Variants in PLEKHA8 observed in about 807,000 individuals in gnomAD.
The protein encoded by PLEKHA8 is pleckstrin homology domain-containing family A member 8.
Under a neutral mutation model 68.2 loss-of-function variants are expected in PLEKHA8, and 36 were observed. The observed-to-expected ratio is 0.53, with a 90% CI of 0.40 to 0.70. The LOEUF (loss-of-function observed/expected upper bound fraction) is 0.70. PLEKHA8 is among the 30% of genes least tolerant of loss of function. The pLI is 0.00. For synonymous variants in PLEKHA8, 211 were observed against 216.1 expected (o/e 0.98, Z 0.20); for missense variants, 505 against 615.4 (o/e 0.82, Z 1.90).
rs1272508959 is a variant in PLEKHA8 at position 30,074,136 on chromosome 7, A to T, written c.1362+4A>T. On this transcript the variant is annotated splice_donor_region_variant and intron_variant, in intron 13 of 13. Transcript: ENST00000449726. Reference sequence around the variant, plus strand: ...GGTAGTTCGAGGGGTTTTTGCGGTAAGTGATCCTTCTTGTCTCCTATTATT... The same window carrying T: ...GGTAGTTCGAGGGGTTTTTGCGGTATGTGATCCTTCTTGTCTCCTATTATT... 1.9e-6 allele frequency: 3 copies of T among 1,611,982 alleles called. No individual in the cohort carries two copies. The African/African-American group carries it at 4.0e-5, about 22-fold the overall frequency.
intron 13 of PLEKHA8, among the ~76,000 whole-genome samples, chr7:30,126,718 GA>G (rs1796776948): frequency 6.6e-6 from 1 of 152,216 alleles, no homozygotes; most frequent in Admixed American, 6.5e-5. Flanking sequence ...AATCATGGTG[GA>G]AGGTGAAAGG....
At chr7:30,037,972 T>A (rs1791231402) in intron 1 of PLEKHA8, among the ~76,000 whole-genome samples, 1 of 152,152 alleles carries the variant, frequency 6.6e-6, no homozygotes, top group Non-Finnish European at 1.5e-5. Context: ...TTTTAAAAAT[T>A]CACAATATGT....
At chr7:30,049,940 G>A (rs955670762) in intron 5 of PLEKHA8, among the ~76,000 whole-genome samples, 1 of 152,112 alleles carries the variant, frequency 6.6e-6, no homozygotes, top group Admixed American at 6.5e-5. Flanking sequence ...CATCCTCAAA[G>A]ACTTAGTCTC....
At chr7:30,127,005 A>G (rs1391249986) in intron 13 of PLEKHA8, among the ~76,000 whole-genome samples, 1 of 152,222 alleles carries the variant, frequency 6.6e-6, no homozygotes, top group South Asian at 2.1e-4. Flanking sequence ...CACTGATCCT[A>G]CAGAATCCAG....
At chr7:30,051,105 G>T (rs146630130) in intron 6 of PLEKHA8, among the ~76,000 whole-genome samples, 1 of 152,086 alleles carries the variant, frequency 6.6e-6, no homozygotes, top group Non-Finnish European at 1.5e-5. Context: ...TCACCATGTT[G>T]CCCAGGCTGG....
rs142768423 is a variant in PLEKHA8 at position 30,030,607 on chromosome 7, T to C, written c.40+1805T>C. ...AGCCATTGCCAGAGACAGCTGTCTCTACGTGATGCTGCTTGTTCCCTTAGC... is the reference window on the plus strand; with the variant it reads ...AGCCATTGCCAGAGACAGCTGTCTCCACGTGATGCTGCTTGTTCCCTTAGC... On this transcript the variant is annotated intron_variant, in intron 1 of 13. Coordinates refer to ENST00000449726, the MANE Select transcript of PLEKHA8 (RefSeq NM_001197026.2). Among the ~76,000 whole-genome samples the C allele has an allele frequency of 5.5e-4, 84 of 152,372 alleles. No individual in the cohort carries two copies. In the East Asian group the frequency reaches 0.015, roughly 27 times the overall value.
At position 30,060,895 on chromosome 7, in the gene PLEKHA8, C is replaced by T. The variant is rs375382627; in HGVS notation, c.1051C>T (p.Pro351Ser). ...ATCTTTTCTTCTAGACAAACTTGGC[C>T]CTACAGTGTTTGCTCCTGTTAAGAT... ...AVVPVLDKLG[P>S]TVFAPVKMDL... Residue 351 changes from proline (P) to serine (S), a missense_variant, in exon 10 of 14, where the codon CCT (proline) becomes TCT (serine). Coordinates refer to ENST00000449726, the MANE Select transcript of PLEKHA8 (RefSeq NM_001197026.2). The T allele has an allele frequency of 1.2e-6, 2 of 1,612,470 alleles. No individual in the cohort carries two copies.
At chr7:30,112,820 G>T (rs1456212124) in intron 13 of PLEKHA8, among the ~76,000 whole-genome samples, 1 of 151,636 alleles carries the variant, frequency 6.6e-6, no homozygotes, top group African/African-American at 2.4e-5. Context: ...AGGATCACTT[G>T]AGCCCAGGAG....
In PLEKHA8 at chr7:30,084,341, G is replaced by T. The variant is rs1795088917; in HGVS notation, c.*5554G>T. ...TGCAGTGTTAATGTTACCTGTTCTTGTCTCTCAGCATTTTGAATGAGCATC... is the reference window on the plus strand; with the variant it reads ...TGCAGTGTTAATGTTACCTGTTCTTTTCTCTCAGCATTTTGAATGAGCATC... On this transcript the variant is annotated 3_prime_UTR_variant, in exon 14 of 14. Transcript: ENST00000449726. The T allele has an allele frequency of 2.0e-6, 2 of 985,208 alleles. No individual in the cohort carries two copies. The highest frequency in any genetic ancestry group is 1.7e-5 in the African/African-American group (1 of 57,206). 61.0% of individuals were successfully genotyped at this position (985,208 alleles called of 1,614,324 possible).
chr7:30,128,627 C>T (rs1218069200), intron 13 of PLEKHA8, among the ~76,000 whole-genome samples: 2 of 151,812 alleles, frequency 1.3e-5, no homozygotes. Flanking sequence ...TTTTCTAATA[C>T]TTAGTGGTTA....
intron 12 of PLEKHA8, among the ~76,000 whole-genome samples, chr7:30,063,203 T>C (rs747603818): frequency 6.6e-6 from 1 of 152,166 alleles, no homozygotes; most frequent in Non-Finnish European, 1.5e-5. Flanking sequence ...TATAATGCTG[T>C]GTGCGTCCCA....
chr7:30,050,802 G>T (rs17326222), intron 6 of PLEKHA8: 26,594 of 174,344 alleles, frequency 0.15, 2,073 homozygotes, highest in Middle Eastern at 0.18. Flanking sequence ...TTGTTTTAAG[G>T]GTGCTTTTAT....
In PLEKHA8 at chr7:30,111,998, C is replaced by T. The variant is rs185109996; in HGVS notation, c.1363-17268C>T. Among the ~76,000 whole-genome samples, 13 of 152,036 alleles carry T rather than the reference C, an allele frequency of 8.6e-5. No individual in the cohort carries two copies. The East Asian group carries it at 2.3e-3, about 27-fold the overall frequency. On this transcript the variant is annotated intron_variant, in intron 13 of 13. Coordinates refer to the PLEKHA8 transcript ENST00000396257. ...AAACAATGGAATGGCAAAATAATTA[C>T]CAGGCAAATATTAATTTTTAAAATT...
chr7:30,052,951 A>T (rs1222145127), intron 7 of PLEKHA8, 85 bp downstream of exon 7: 3 of 1,158,360 alleles, frequency 2.6e-6, no homozygotes, highest in Non-Finnish European at 3.6e-6. Context: ...GATAGGGATT[A>T]ACCTCAAGAC....
rs548903683 is a variant in PLEKHA8 at position 30,101,102 on chromosome 7, A to G, written c.1362+26970A>G. On this transcript the variant is annotated intron_variant, in intron 13 of 13. Coordinates refer to the PLEKHA8 transcript ENST00000396257. Reference sequence around the variant, plus strand: ...CTACTCGGGAGGCTAAGGCAGAAGAATGGCTTGAACCTGGGAGGCAGAGAT... The same window carrying G: ...CTACTCGGGAGGCTAAGGCAGAAGAGTGGCTTGAACCTGGGAGGCAGAGAT... Among the ~76,000 whole-genome samples the G allele has an allele frequency of 3.9e-5, 6 of 152,122 alleles. No individual in the cohort carries two copies. In the South Asian group the frequency reaches 1.2e-3, roughly 32 times the overall value.
Position 30,060,947 on chromosome 7 carries a change from G to T in PLEKHA8, c.1098+5G>T. The T allele has an allele frequency of 6.2e-7, 1 of 1,612,694 alleles. No homozygotes were observed. The highest frequency in any genetic ancestry group is 8.5e-7 in the Non-Finnish European group (1 of 1,179,190). ...GATCTTGTTGGAAATATTAAGGTGA[G>T]CATACTGGTTTGTCTCTGTGGAAAC... On this transcript the variant is annotated splice_donor_5th_base_variant and intron_variant, in intron 10 of 13. Coordinates refer to ENST00000449726, the MANE Select transcript of PLEKHA8 (RefSeq NM_001197026.2).
intron 1 of PLEKHA8, among the ~76,000 whole-genome samples, chr7:30,039,080 AGTTT>A (rs1453116998): frequency 6.6e-6 from 1 of 152,240 alleles, no homozygotes; most frequent in African/African-American, 2.4e-5. Flanking sequence ...AATTTTACAC[AGTTT>A]GTTCATTAAG....
At position 30,080,509 on chromosome 7, in the gene PLEKHA8, G is replaced by A. The variant is rs1014514005; in HGVS notation, c.*1722G>A. ...GAGAATTCTCTCTTTAGTCAGAGAA[G>A]TTTATGTAGGGAGGGGTATTGGTTT... On this transcript the variant is annotated 3_prime_UTR_variant, in exon 14 of 14. Coordinates refer to ENST00000449726, the MANE Select transcript of PLEKHA8 (RefSeq NM_001197026.2). The A allele has an allele frequency of 8.1e-5, 80 of 985,212 alleles. No homozygotes were observed. Among genetic ancestry groups the A allele is most frequent in the Non-Finnish European group, 9.6e-5 (80 of 829,912 alleles). The allele number at this position is 985,212 out of a possible 1,614,324, so 61.0% of individuals were successfully genotyped here.
downstream of PLEKHA8, among the ~76,000 whole-genome samples, chr7:30,085,664 T>G (rs1161249067): frequency 1.3e-5 from 2 of 152,190 alleles, no homozygotes; most frequent in African/African-American, 2.4e-5. Context: ...TATTGCCCAC[T>G]TGAGCCCTCT....
Sources: allele counts gnomAD v4.1 joint callset (sites outside exome capture counted in the v4.1 genomes callset), GRCh38; gene constraint gnomAD v4.1.1; transcripts MANE v1.5; gene names NCBI Gene and HGNC (gene_info 2026-07-23, HGNC 2026-07-21).